C10orf67: variants seen among roughly 807,000 people sequenced by gnomAD.
C10orf67 encodes chromosome 10 open reading frame 67.
A neutral mutation model predicts 35.6 loss-of-function variants in C10orf67; 60 were observed. That is an observed-to-expected ratio of 1.68 (90% CI 1.37 to 2.09). The LOEUF is 2.09. Among genes scored for constraint, C10orf67 ranks in the 30% most tolerant of loss-of-function variants. The pLI is 0.00. For missense variants in C10orf67, 474 were observed against 330.2 expected (o/e 1.44, Z -3.38); for synonymous variants, 167 against 115.8 (o/e 1.44, Z -2.84).
chr10:23,259,115 G>C (rs1003066213), intron 10 of C10orf67, among the ~76,000 whole-genome samples: 1 of 152,118 alleles, frequency 6.6e-6, no homozygotes, highest in East Asian at 1.9e-4. Context: ...ACAGCATCCA[G>C]GAATTTTTCA....
chr10:23,298,616 G>C (rs915729986), intron 5 of C10orf67, among the ~76,000 whole-genome samples: 7 of 152,174 alleles, frequency 4.6e-5, no homozygotes, highest in African/African-American at 1.7e-4. Flanking sequence ...GCCAAGGAAC[G>C]CTCTTAGTTG....
At position 23,344,595 on chromosome 10, in the gene C10orf67, C is replaced by T. The variant is rs1483045606; in HGVS notation, c.180G>A (p.Lys60=). 3.2e-6 allele frequency: 5 copies of T among 1,579,822 alleles called. No individual in the cohort carries two copies. Among genetic ancestry groups the T allele is most frequent in the African/African-American group, 1.3e-5 (1 of 74,122 alleles). ...ARRKREAREF[K]PPQMRGSTRL... ...TCGTGGACCCGCGCATTTGCGGGGG[C>T]TTGAATTCCCGAGCTTCTCGCTTCC... Residue 60 remains lysine, a synonymous_variant, in exon 1 of 16, where the codon AAG becomes AAA. Coordinates refer to ENST00000636213, the MANE Select transcript of C10orf67 (RefSeq NM_001371909.1).
At chr10:23,233,012 C>G (rs1286225492) in intron 13 of C10orf67, among the ~76,000 whole-genome samples, 1 of 151,972 alleles carries the variant, frequency 6.6e-6, no homozygotes, top group Non-Finnish European at 1.5e-5. Context: ...AAAAAATTAG[C>G]CAAGTGTGAT....
At position 23,264,660 on chromosome 10, in the gene C10orf67, G is replaced by A. The variant is rs1012418031; in HGVS notation, c.1200+1602C>T. On this transcript the variant is annotated intron_variant, in intron 10 of 15. Transcript: ENST00000636213. ...CTTCTATCTGTAAACTGGGGACACC[G>A]GAGCTTCCAAGCTGGAATTCTAGGA... Among the ~76,000 whole-genome samples the A allele has an allele frequency of 5.3e-5, 8 of 152,182 alleles. No homozygotes were observed. In the East Asian group the frequency reaches 5.8e-4, roughly 11 times the overall value.
chr10:23,295,045 G>A (rs1843839573), intron 5 of C10orf67, among the ~76,000 whole-genome samples: 1 of 152,188 alleles, frequency 6.6e-6, no homozygotes, highest in African/African-American at 2.4e-5. Flanking sequence ...GTCAGGAGGG[G>A]AGAGCAGAGC....
intron 1 of C10orf67, among the ~76,000 whole-genome samples, chr10:23,343,502 C>G (rs749702353): frequency 3.5e-4 from 53 of 152,282 alleles, no homozygotes; most frequent in Non-Finnish European, 6.3e-4. Context: ...TTTGTTACAG[C>G]AGCCCGAGGG....
chr10:23,286,161 G>A (rs757478570), intron 7 of C10orf67, among the ~76,000 whole-genome samples: 3 of 151,582 alleles, frequency 2.0e-5, no homozygotes, highest in Non-Finnish European at 4.4e-5. Context: ...GGAGGACGAG[G>A]TGGGAGCATC....
At chr10:23,288,313 T>G (rs1485694979) in intron 7 of C10orf67, among the ~76,000 whole-genome samples, 6 of 152,308 alleles carry the variant, frequency 3.9e-5, no homozygotes, top group Admixed American at 3.3e-4. Context: ...GATCATGTCC[T>G]TTGCAGGGAT....
intron 12 of C10orf67, among the ~76,000 whole-genome samples, chr10:23,241,940 A>G (rs987660003): frequency 6.6e-6 from 1 of 151,134 alleles, no homozygotes; most frequent in Non-Finnish European, 1.5e-5. Context: ...GTCAACAGCA[A>G]CAATGAAGGC....
chr10:23,207,763 A>G (rs1037219007), intron 15 of C10orf67, among the ~76,000 whole-genome samples: 2 of 152,236 alleles, frequency 1.3e-5, no homozygotes, highest in African/African-American at 4.8e-5. Flanking sequence ...GATAATCTGT[A>G]TCTAATTTTT....
At chr10:23,227,389 C>T (rs982989978) in intron 13 of C10orf67, among the ~76,000 whole-genome samples, 2 of 152,080 alleles carry the variant, frequency 1.3e-5, no homozygotes, top group Non-Finnish European at 2.9e-5. Flanking sequence ...ATTCAACAGC[C>T]CTTCATGCTA....
intron 15 of C10orf67, among the ~76,000 whole-genome samples, chr10:23,205,647 A>C (rs1841138085): frequency 6.6e-6 from 1 of 152,162 alleles, no homozygotes; most frequent in Non-Finnish European, 1.5e-5. Context: ...CCAACAAATA[A>C]ATGTCCTGAA....
chr10:23,327,490 T>C (rs1465761818), intron 2 of C10orf67, among the ~76,000 whole-genome samples: 1 of 152,148 alleles, frequency 6.6e-6, no homozygotes, highest in African/African-American at 2.4e-5. Flanking sequence ...AGCCTTCATA[T>C]AGAAAAAATA....
At chr10:23,328,390 A>G (rs1255253317) in intron 2 of C10orf67, among the ~76,000 whole-genome samples, 1 of 152,096 alleles carries the variant, frequency 6.6e-6, no homozygotes, top group Non-Finnish European at 1.5e-5. Context: ...TTGCTTTCCT[A>G]AGATAGCTAT....
chr10:23,248,701 A>T (rs549709771), intron 12 of C10orf67, among the ~76,000 whole-genome samples: 10 of 152,320 alleles, frequency 6.6e-5, no homozygotes, highest in African/African-American at 2.4e-4. Flanking sequence ...ACTCTGTACA[A>T]ATGCACTCGC....
At chr10:23,230,164 C>G (rs1037700281) in intron 13 of C10orf67, among the ~76,000 whole-genome samples, 7 of 151,918 alleles carry the variant, frequency 4.6e-5, no homozygotes, top group Non-Finnish European at 8.8e-5. Flanking sequence ...AGAATAGACT[C>G]ATATATATGA....
In C10orf67 at chr10:23,305,797, G is replaced by T. The variant is rs148145838; in HGVS notation, c.547-2338C>A. ...TCTTCAGAAAATTAAAACTAGAACTGCCATATGATCCAGCTATCCTACTTC... is the reference window on the plus strand; with the variant it reads ...TCTTCAGAAAATTAAAACTAGAACTTCCATATGATCCAGCTATCCTACTTC... On this transcript the variant is annotated intron_variant, in intron 4 of 15. Coordinates refer to ENST00000636213, the MANE Select transcript of C10orf67 (RefSeq NM_001371909.1). Among the ~76,000 whole-genome samples, 221 of 152,202 alleles carry T rather than the reference G, an allele frequency of 1.5e-3. 1 individual carries two copies. Among genetic ancestry groups the T allele is most frequent in the African/African-American group, 4.8e-3 (201 of 41,542 alleles).
chr10:23,316,237 A>T (rs1399645456), intron 4 of C10orf67, among the ~76,000 whole-genome samples: 2 of 152,210 alleles, frequency 1.3e-5, no homozygotes, highest in Non-Finnish European at 1.5e-5. Flanking sequence ...GGCAGGCAGC[A>T]CCAGGTGCTG....
intron 13 of C10orf67, among the ~76,000 whole-genome samples, chr10:23,229,644 A>G (rs1262191817): frequency 1.3e-5 from 2 of 152,166 alleles, no homozygotes; most frequent in Admixed American, 6.6e-5. Flanking sequence ...GGAAGATACA[A>G]TTATAAAATT....
Sources: gnomAD v4.1 joint callset for allele counts (sites outside exome capture counted in the v4.1 genomes callset) on GRCh38, gnomAD v4.1.1 for gene constraint, MANE v1.5 for transcripts, NCBI Gene and HGNC (gene_info 2026-07-23, HGNC 2026-07-21) for gene names.